The following CHURC1 variants were observed in gnomAD, a reference collection of about 807,000 sequenced individuals.
CHURC1 encodes the protein churchill domain containing 1.
A neutral mutation model predicts 15.4 loss-of-function variants in CHURC1; 12 were observed. The ratio of observed to expected loss-of-function variants is 0.78; its 90% CI spans 0.50 to 1.27. The LOEUF is 1.27. Among genes scored for constraint, CHURC1 ranks in the 50% most tolerant of loss-of-function variants. The pLI is 0.00. For missense variants in CHURC1, 132 were observed against 137.8 expected (o/e 0.96, Z 0.21); for synonymous variants, 42 against 47.5 (o/e 0.88, Z 0.48).
chr14:64,932,207 C>A lies in CHURC1; in HGVS notation c.316C>A (p.Arg106=). Residue 106 remains arginine (R), a synonymous_variant, in exon 4 of 4, where the codon CGA becomes AGA. Transcript: ENST00000549115. ...DTISILPDDP[R]QMTLLF is the part of the protein sequence containing the mutation. Reference sequence around the variant, plus strand: ...TATCAGTATTCTCCCTGATGACCCCCGACAAATGACTCTCTTATTCTAAGG... The same window carrying A: ...TATCAGTATTCTCCCTGATGACCCCAGACAAATGACTCTCTTATTCTAAGG... 1 of 1,613,982 alleles carries A rather than the reference C, an allele frequency of 6.2e-7. No homozygotes were observed. Among genetic ancestry groups the A allele is most frequent in the Non-Finnish European group, 8.5e-7 (1 of 1,179,928 alleles).
At position 64,934,211 on chromosome 14, in the gene CHURC1, T is replaced by G. The variant is rs79031446; in HGVS notation, c.*1981T>G. ...TACAAAAACAAAAATTAGCCAGGGG[T>G]GGTGGTATGCACCTGCAGTCCCAGC... On this transcript the variant is annotated 3_prime_UTR_variant, in exon 4 of 4. Transcript: ENST00000549115. 1.1e-4 allele frequency: 37 copies of G among 342,500 alleles called. No individual in the cohort carries two copies. The East Asian group carries it at 5.7e-3, about 53-fold the overall frequency. The allele number at this position is 342,500 out of a possible 1,614,324, so 21.2% of individuals were successfully genotyped here.
rs557476968 is a variant in CHURC1 at position 64,914,627 on chromosome 14, G to A, written c.39+93G>A. Reference sequence around the variant, plus strand: ...TCCCAGAGAGGCCGTACGTGGGGCGGACTCGGCCGCACTGCCGGTCCCGGT... The same window carrying A: ...TCCCAGAGAGGCCGTACGTGGGGCGAACTCGGCCGCACTGCCGGTCCCGGT... On this transcript the variant is annotated intron_variant, in intron 1 of 3. Coordinates refer to ENST00000549115, the MANE Select transcript of CHURC1 (RefSeq NM_001386928.1). The A allele has an allele frequency of 6.4e-5, 102 of 1,587,522 alleles. 1 individual carries two copies. In the South Asian group the frequency reaches 1.1e-3, roughly 17 times the overall value.
intron 3 of CHURC1, 98 bp downstream of exon 3, chr14:64,926,178 C>G: frequency 1.4e-6 from 1 of 701,044 alleles, no homozygotes; most frequent in Non-Finnish European, 2.2e-6. Flanking sequence ...AAGTGAAGTG[C>G]AAAGCGTTAG....
intron 1 of CHURC1, 133 bp downstream of exon 1, chr14:64,914,667 AT>A: frequency 1.3e-6 from 2 of 1,516,100 alleles, no homozygotes; most frequent in African/African-American, 1.4e-5. Context: ...CAGTAGCGGT[AT>A]TTAGGCACAC....
At chr14:64,918,729 A>G (rs1272178959) in intron 1 of CHURC1, among the ~76,000 whole-genome samples, 1 of 152,144 alleles carries the variant, frequency 6.6e-6, no homozygotes, top group East Asian at 1.9e-4. Context: ...ACTTGGGAAG[A>G]GGCTAAGGCA....
At chr14:64,926,355 T>C (rs2147613) in intron 3 of CHURC1, among the ~76,000 whole-genome samples, 2 of 152,060 alleles carry the variant, frequency 1.3e-5, no homozygotes, top group African/African-American at 4.8e-5. Flanking sequence ...CCCATGCCTT[T>C]CTTATATCTG....
chr14:64,922,757 TAGA>T (rs139914386), intron 1 of CHURC1, among the ~76,000 whole-genome samples: 23,257 of 151,654 alleles, frequency 0.15, 3,991 homozygotes, highest in East Asian at 0.5. Context: ...CCTCAATACA[TAGA>T]AGGGAGAGAT....
chr14:64,926,945 A>G (rs930393457), intron 3 of CHURC1, among the ~76,000 whole-genome samples: 3 of 152,194 alleles, frequency 2.0e-5, no homozygotes, highest in Non-Finnish European at 4.4e-5. Flanking sequence ...ACTGAAACCT[A>G]TCTCTGTCCC....
chr14:64,926,203 G>C, intron 3 of CHURC1, 123 bp downstream of exon 3: 21 of 347,390 alleles, frequency 6.0e-5, no homozygotes, highest in East Asian at 1.0e-4. Context: ...TATTAAAGGA[G>C]ACTATGCCTT....
At chr14:64,930,784 T>C (rs1207928540) in intron 3 of CHURC1, 5 of 442,748 alleles carry the variant, frequency 1.1e-5, no homozygotes, top group African/African-American at 2.0e-5. Flanking sequence ...TTTTCCTTCT[T>C]CTTTTCCTGT....
At chr14:64,921,321 TATAAA>T (rs1884281158) in intron 1 of CHURC1, among the ~76,000 whole-genome samples, 1 of 152,028 alleles carries the variant, frequency 6.6e-6, no homozygotes, top group East Asian at 1.9e-4. Context: ...AAGTATAAAT[TATAAA>T]AGAAAAAATG....
intron 1 of CHURC1, among the ~76,000 whole-genome samples, chr14:64,921,533 A>C (rs748612222): frequency 7.9e-5 from 12 of 152,240 alleles, no homozygotes; most frequent in Non-Finnish European, 1.6e-4. Flanking sequence ...TCATAAAAGA[A>C]GATACATGAA....
chr14:64,923,523 A>G (rs1884469378), intron 1 of CHURC1, among the ~76,000 whole-genome samples: 1 of 152,158 alleles, frequency 6.6e-6, no homozygotes, highest in South Asian at 2.1e-4. Flanking sequence ...ATGATCAAGG[A>G]TCAAAACTAT....
At chr14:64,916,506 G>C (rs1883889284) in intron 1 of CHURC1, among the ~76,000 whole-genome samples, 1 of 152,082 alleles carries the variant, frequency 6.6e-6, no homozygotes, top group Non-Finnish European at 1.5e-5. Context: ...TAATAAACAT[G>C]AGCTATTATG....
At chr14:64,920,798 G>T (rs775351653) in intron 1 of CHURC1, among the ~76,000 whole-genome samples, 1 of 152,062 alleles carries the variant, frequency 6.6e-6, no homozygotes, top group African/African-American at 2.4e-5. Context: ...TAATTTTTTG[G>T]AGTCCTTGGC....
chr14:64,933,340 A>C lies in CHURC1; in HGVS notation c.*1110A>C, dbSNP rs868181359. The C allele has an allele frequency of 2.0e-6, 2 of 979,054 alleles. No homozygotes were observed. The highest frequency in any genetic ancestry group is 2.4e-6 in the Non-Finnish European group (2 of 823,842). The allele number at this position is 979,054 out of a possible 1,614,324, so 60.6% of individuals were successfully genotyped here. Reference sequence around the variant, plus strand: ...GTAGAAACTAGGGAAATCTGAATACAGTGTGGACTTCAGTTAATATAAATG... The same window carrying C: ...GTAGAAACTAGGGAAATCTGAATACCGTGTGGACTTCAGTTAATATAAATG... On this transcript the variant is annotated 3_prime_UTR_variant, in exon 4 of 4. Transcript: ENST00000549115.
chr14:64,916,424 A>G (rs1287967185), intron 1 of CHURC1, among the ~76,000 whole-genome samples: 1 of 152,216 alleles, frequency 6.6e-6, no homozygotes, highest in Non-Finnish European at 1.5e-5. Context: ...TGTTCGCTAC[A>G]TTTATGTTTC....
At chr14:64,920,901 C>T (rs1239080441) in intron 1 of CHURC1, among the ~76,000 whole-genome samples, 1 of 152,028 alleles carries the variant, frequency 6.6e-6, no homozygotes, top group Non-Finnish European at 1.5e-5. Context: ...TTACATGAAA[C>T]TGAAAAGAAC....
At chr14:64,922,422 C>T (rs938322779) in intron 1 of CHURC1, among the ~76,000 whole-genome samples, 9 of 151,506 alleles carry the variant, frequency 5.9e-5, no homozygotes, top group African/African-American at 1.2e-4. Flanking sequence ...ACTAAAAATA[C>T]GAAAAATTAG....
Sources: allele counts gnomAD v4.1 joint callset (sites outside exome capture counted in the v4.1 genomes callset), GRCh38; gene constraint gnomAD v4.1.1; transcripts MANE v1.5; gene names NCBI Gene and HGNC (gene_info 2026-07-23, HGNC 2026-07-21).